The following ERC2 variants were observed in gnomAD, a reference collection of about 807,000 sequenced individuals.
The protein encoded by ERC2 is ERC protein 2.
Under a neutral mutation model 114.8 loss-of-function variants are expected in ERC2, and 42 were observed. The ratio of observed to expected loss-of-function variants is 0.37; its 90% CI spans 0.29 to 0.47. ERC2 has a LOEUF of 0.47. ERC2 is among the 20% of genes least tolerant of loss of function. The probability of loss-of-function intolerance (pLI) is 0.99; values close to 1 mark genes in which losing one functional copy is unlikely to be tolerated. For missense variants in ERC2, 939 were observed against 1,150.7 expected, an observed-to-expected ratio of 0.82 and a Z score of 2.66; for synonymous variants, 454 against 425.5, an observed-to-expected ratio of 1.07 and a Z score of -0.82.
chr3:55,964,279 T>A (rs949426618), intron 12 of ERC2, among the ~76,000 whole-genome samples: 13 of 152,344 alleles, frequency 8.5e-5, no homozygotes, highest in African/African-American at 3.1e-4. Flanking sequence ...CAACATCATA[T>A]ACTTAAAAAG....
intron 2 of ERC2, among the ~76,000 whole-genome samples, chr3:56,374,225 T>A (rs538210421): frequency 1.2e-4 from 18 of 152,280 alleles, no homozygotes; most frequent in Non-Finnish European, 2.5e-4. Flanking sequence ...GCCTCCTGAA[T>A]AGCTGGGACT....
At chr3:56,435,524 C>A (rs916990276) in intron 1 of ERC2, among the ~76,000 whole-genome samples, 1 of 152,212 alleles carries the variant, frequency 6.6e-6, no homozygotes, top group Non-Finnish European at 1.5e-5. Flanking sequence ...TATAAAAAGG[C>A]CCCTCCTTTG....
chr3:56,114,241 C>T (rs767267337), intron 6 of ERC2, among the ~76,000 whole-genome samples: 1 of 152,094 alleles, frequency 6.6e-6, no homozygotes, highest in African/African-American at 2.4e-5. Context: ...AAATTAAGCT[C>T]TATATGTTAA....
chr3:55,836,690 G>T (rs62251597), intron 14 of ERC2, among the ~76,000 whole-genome samples: 3 of 151,604 alleles, frequency 2.0e-5, no homozygotes, highest in African/African-American at 7.3e-5. Flanking sequence ...GGACATAGGC[G>T]TGGGCAAGGA....
intron 17 of ERC2, among the ~76,000 whole-genome samples, chr3:55,623,100 C>T (rs1419446699): frequency 6.6e-6 from 1 of 152,190 alleles, no homozygotes; most frequent in Non-Finnish European, 1.5e-5. Context: ...TGACTTGTTT[C>T]TGACCTGAGG....
chr3:55,956,996 C>T (rs567657801), intron 12 of ERC2, among the ~76,000 whole-genome samples: 12 of 152,242 alleles, frequency 7.9e-5, no homozygotes, highest in East Asian at 1.9e-4. Flanking sequence ...AATCTCACAA[C>T]GCCAACATAC....
chr3:56,206,204 C>T (rs200661410), intron 3 of ERC2, among the ~76,000 whole-genome samples: 4,408 of 39,946 alleles, frequency 0.11, 211 homozygotes, highest in African/African-American at 0.34. Flanking sequence ...CACACACATA[C>T]ACACACACAC....
At chr3:56,282,686 G>A (rs948376742) in intron 3 of ERC2, among the ~76,000 whole-genome samples, 3 of 152,046 alleles carry the variant, frequency 2.0e-5, no homozygotes, top group African/African-American at 7.2e-5. Flanking sequence ...TGGTGCTGCT[G>A]CTGCTGCTGC....
At chr3:56,285,980 G>A (rs1353982153) in intron 3 of ERC2, among the ~76,000 whole-genome samples, 1 of 152,170 alleles carries the variant, frequency 6.6e-6, no homozygotes, top group African/African-American at 2.4e-5. Context: ...AGAAGTCTTT[G>A]TTCACAGTCC....
chr3:56,257,057 GT>G (rs1328708063), intron 3 of ERC2, among the ~76,000 whole-genome samples: 1 of 152,104 alleles, frequency 6.6e-6, no homozygotes, highest in Non-Finnish European at 1.5e-5. Context: ...TTAAATGGGG[GT>G]AATAATTCTA....
At chr3:55,796,583 G>C (rs1414155776) in intron 14 of ERC2, among the ~76,000 whole-genome samples, 1 of 152,058 alleles carries the variant, frequency 6.6e-6, no homozygotes, top group African/African-American at 2.4e-5. Context: ...GTGTCACTAC[G>C]CCCAGCTAAC....
intron 6 of ERC2, among the ~76,000 whole-genome samples, chr3:56,085,577 A>G (rs969584840): frequency 5.3e-5 from 8 of 152,322 alleles, no homozygotes; most frequent in African/African-American, 1.9e-4. Context: ...ATGATGCCCT[A>G]CAGATGGGCC....
intron 13 of ERC2, among the ~76,000 whole-genome samples, chr3:55,943,233 G>T (rs2066916420): frequency 6.6e-6 from 1 of 152,150 alleles, no homozygotes; most frequent in Admixed American, 6.5e-5. Context: ...AAGTAAGAAG[G>T]TATGCTGTCA....
At chr3:55,831,617 C>T (rs953978395) in intron 14 of ERC2, among the ~76,000 whole-genome samples, 12 of 151,964 alleles carry the variant, frequency 7.9e-5, no homozygotes, top group African/African-American at 2.7e-4. Context: ...AAGACAGAAC[C>T]TGGTCGGGCA....
rs904208319 is a variant in ERC2, at chr3:55,860,383, C to T, written c.2564+28006G>A. On this transcript the variant is annotated intron_variant, in intron 14 of 17. Transcript: ENST00000288221. ...CCAAGCTGGGGCGATGTGCACCCCCCGCCTCATCCGCCTCCTTTTTTTCTT... is the reference window on the plus strand; with the variant it reads ...CCAAGCTGGGGCGATGTGCACCCCCTGCCTCATCCGCCTCCTTTTTTTCTT... Among the ~76,000 whole-genome samples, 6 of 152,274 alleles carry T rather than the reference C, an allele frequency of 3.9e-5. 1 individual carries two copies. The highest frequency in any genetic ancestry group is 6.8e-3 in the Middle Eastern group (2 of 294).
intron 17 of ERC2, among the ~76,000 whole-genome samples, chr3:55,594,787 C>G (rs1010190357): frequency 3.3e-5 from 5 of 152,104 alleles, no homozygotes; most frequent in African/African-American, 1.2e-4. Context: ...CCTGGCCAGT[C>G]AGGTAGTTAC....
intron 6 of ERC2, among the ~76,000 whole-genome samples, chr3:56,115,096 T>A (rs1341029391): frequency 6.6e-6 from 1 of 152,204 alleles, no homozygotes. Flanking sequence ...CTAAGACCAG[T>A]AAATTGGCTC....
At chr3:56,035,905 C>T (rs538163970) in intron 7 of ERC2, among the ~76,000 whole-genome samples, 6 of 151,752 alleles carry the variant, frequency 4.0e-5, no homozygotes, top group Admixed American at 1.3e-4. Context: ...AAGAATACTA[C>T]GAGAAAAAAA....
chr3:56,398,330 C>T (rs1576760663), intron 2 of ERC2, among the ~76,000 whole-genome samples: 1 of 151,948 alleles, frequency 6.6e-6, no homozygotes, highest in African/African-American at 2.4e-5. Flanking sequence ...GGTTTAAGAC[C>T]GAAAGGGGTA....
Sources: gnomAD v4.1 joint callset for allele counts (sites outside exome capture counted in the v4.1 genomes callset) on GRCh38, gnomAD v4.1.1 for gene constraint, MANE v1.5 for transcripts, NCBI Gene and HGNC (gene_info 2026-07-23, HGNC 2026-07-21) for gene names.